The following SLC38A9 variants were observed in gnomAD, a reference collection of about 807,000 sequenced individuals.
SLC38A9 encodes solute carrier family 38 member 9, also known as neutral amino acid transporter 9.
In SLC38A9, 48 loss-of-function variants were observed where a neutral mutation model predicts 62.3. The ratio of observed to expected loss-of-function variants is 0.77; its 90% confidence interval spans 0.61 to 0.98. The LOEUF (loss-of-function observed/expected upper bound fraction) is 0.98. SLC38A9 is among the 50% of genes least tolerant of loss of function. The probability of loss-of-function intolerance (pLI) is 0.00; values close to 1 mark genes in which losing one functional copy is unlikely to be tolerated. For synonymous variants in SLC38A9, 204 were observed against 227.7 expected (o/e 0.90, Z 0.94); for missense variants, 541 against 679.8 (o/e 0.80, Z 2.27).
In SLC38A9 at chr5:55,660,171, G is replaced by A. The variant is rs182957921; in HGVS notation, c.698-3397C>T. Among the ~76,000 whole-genome samples the A allele has an allele frequency of 5.6e-3, 856 of 151,884 alleles. 10 individuals carry two copies. Among genetic ancestry groups the A allele is most frequent in the African/African-American group, 0.02 (831 of 41,486 alleles). ...CACGCCTGTAATCCCAGCACTTTGGGAGGCCAAGGCGGGCAGACTGCTTGA... is the reference window on the plus strand; with the variant it reads ...CACGCCTGTAATCCCAGCACTTTGGAAGGCCAAGGCGGGCAGACTGCTTGA... On this transcript the variant is annotated intron_variant, in intron 8 of 15. Coordinates refer to ENST00000396865, the MANE Select transcript of SLC38A9 (RefSeq NM_173514.4).
At position 55,712,235 on chromosome 5, in the gene SLC38A9, C is replaced by T. The variant is rs1161627079; in HGVS notation, c.-101G>A. On this transcript the variant is annotated 5_prime_UTR_variant, in exon 1 of 16. Coordinates refer to ENST00000396865, the MANE Select transcript of SLC38A9 (RefSeq NM_173514.4). ...GATCTACCTGAGCAGGCCGAGCCTT[C>T]AACCTCGGAGAACTAGACGAGAAGA... is the stretch of plus-strand genomic sequence containing the variant. 6.6e-6 allele frequency: 1 copy of T among 152,506 alleles called. No homozygotes were observed. The highest frequency in any genetic ancestry group is 1.5e-5 in the Non-Finnish European group (1 of 68,064). The allele number at this position is 152,506 out of a possible 1,614,324, so 9.4% of individuals were successfully genotyped here.
chr5:55,699,090 C>T lies in SLC38A9; in HGVS notation c.-34-1098G>A, dbSNP rs187806715. On this transcript the variant is annotated intron_variant, in intron 2 of 15. Coordinates refer to ENST00000396865, the MANE Select transcript of SLC38A9 (RefSeq NM_173514.4). ...CCAACATGGTGAAACCCTGTCTCTACTAAAAATATAGAAAAATAGCCAGGC... is the reference window on the plus strand; with the variant it reads ...CCAACATGGTGAAACCCTGTCTCTATTAAAAATATAGAAAAATAGCCAGGC... Among the ~76,000 whole-genome samples the T allele has an allele frequency of 6.1e-3, 932 of 152,030 alleles. 10 individuals are homozygous for T. Among genetic ancestry groups the T allele is most frequent in the African/African-American group, 0.022 (904 of 41,448 alleles).
intron 4 of SLC38A9, among the ~76,000 whole-genome samples, chr5:55,670,390 T>A (rs1751112476): frequency 6.6e-6 from 1 of 152,230 alleles, no homozygotes; most frequent in African/African-American, 2.4e-5. Flanking sequence ...CCAAAATAAT[T>A]TTGGAATTTT....
chr5:55,629,866 T>C (rs1336674008), intron 14 of SLC38A9, among the ~76,000 whole-genome samples: 3 of 152,200 alleles, frequency 2.0e-5, no homozygotes, highest in Non-Finnish European at 2.9e-5. Flanking sequence ...GTGATGAAAT[T>C]AGTGATAGTA....
intron 3 of SLC38A9, among the ~76,000 whole-genome samples, chr5:55,689,457 G>T (rs1162186153): frequency 6.6e-6 from 1 of 152,128 alleles, no homozygotes; most frequent in Non-Finnish European, 1.5e-5. Context: ...ATAATATTTG[G>T]TTTTAAGTCT....
At chr5:55,644,449 G>A (rs1167319553) in intron 12 of SLC38A9, among the ~76,000 whole-genome samples, 1 of 151,954 alleles carries the variant, frequency 6.6e-6, no homozygotes, top group African/African-American at 2.4e-5. Context: ...TTTGTGAGAT[G>A]GAGTCTGGAT....
chr5:55,640,848 A>T (rs1290139884), intron 12 of SLC38A9, among the ~76,000 whole-genome samples: 6 of 152,298 alleles, frequency 3.9e-5, no homozygotes, highest in Middle Eastern at 3.4e-3. Flanking sequence ...ATGTATATAT[A>T]TTTTTGAGAC....
Position 55,627,866 on chromosome 5 carries a change from G to A in SLC38A9, c.1520+25C>T, listed in dbSNP as rs762996190. The A allele has an allele frequency of 6.3e-6, 9 of 1,420,192 alleles. No homozygotes were observed. In the African/African-American group the frequency reaches 1.1e-4, roughly 18 times the overall value. 88.0% of individuals were successfully genotyped at this position (1,420,192 alleles called of 1,614,324 possible). On this transcript the variant is annotated intron_variant, in intron 15 of 15. Coordinates refer to ENST00000396865, the MANE Select transcript of SLC38A9 (RefSeq NM_173514.4). ...AAAATAAAGACCAATATATGTAAGG[G>A]CACCATTCCCTTACAAGGCAGTACC...
chr5:55,627,702 C>A (rs1214267917), intron 15 of SLC38A9, among the ~76,000 whole-genome samples, 189 bp downstream of exon 15: 1 of 151,984 alleles, frequency 6.6e-6, no homozygotes, highest in Non-Finnish European at 1.5e-5. Flanking sequence ...GTGAGTTCTC[C>A]ACCAGAACAA....
chr5:55,676,075 G>A (rs889079542), intron 3 of SLC38A9, among the ~76,000 whole-genome samples: 1 of 152,206 alleles, frequency 6.6e-6, no homozygotes, highest in Non-Finnish European at 1.5e-5. Flanking sequence ...GGAGGATGGA[G>A]GATGTGTTTG....
intron 3 of SLC38A9, chr5:55,696,335 C>A (rs1580404040): frequency 2.2e-5 from 1 of 46,402 alleles, no homozygotes; most frequent in Non-Finnish European, 5.5e-5. Flanking sequence ...GGCGGCTGGC[C>A]GGGCGGGGGG....
chr5:55,655,585 A>G (rs1748258489), intron 9 of SLC38A9, among the ~76,000 whole-genome samples: 1 of 152,236 alleles, frequency 6.6e-6, no homozygotes, highest in African/African-American at 2.4e-5. Context: ...TTAACAAAAG[A>G]CAGGTTTAAT....
chr5:55,658,735 C>G (rs1306244062), intron 8 of SLC38A9, among the ~76,000 whole-genome samples: 1 of 152,094 alleles, frequency 6.6e-6, no homozygotes, highest in Admixed American at 6.6e-5. Flanking sequence ...TGTTACTGCA[C>G]CCTTGGGAAA....
rs72758226 is a variant in SLC38A9 at position 55,630,026 on chromosome 5, T to C, written c.1431-2046A>G. Reference sequence around the variant, plus strand: ...AGATCCAAAGTGCACGATAGACCAATTGGTTTTAATGTAAACAAGTTTCAG... The same window carrying C: ...AGATCCAAAGTGCACGATAGACCAACTGGTTTTAATGTAAACAAGTTTCAG... On this transcript the variant is annotated intron_variant, in intron 14 of 15. Transcript: ENST00000396865. Among the ~76,000 whole-genome samples, 1,201 of 152,312 alleles carry C rather than the reference T, an allele frequency of 7.9e-3. 10 individuals carry two copies. Among genetic ancestry groups the C allele is most frequent in the Non-Finnish European group, 0.014 (985 of 68,016 alleles).
intron 4 of SLC38A9, among the ~76,000 whole-genome samples, chr5:55,671,961 T>C (rs1358144225): frequency 1.3e-5 from 2 of 152,048 alleles, no homozygotes; most frequent in African/African-American, 4.8e-5. Context: ...GATCCTCCTG[T>C]CTCAGCCTCT....
At chr5:55,710,475 T>C (rs1157034011) in intron 2 of SLC38A9, among the ~76,000 whole-genome samples, 2 of 152,158 alleles carry the variant, frequency 1.3e-5, no homozygotes, top group East Asian at 1.9e-4. Flanking sequence ...CCCAAAAGTG[T>C]TGGGATTACA....
chr5:55,691,214 T>C (rs1754692103), intron 3 of SLC38A9: 1 of 967,580 alleles, frequency 1.0e-6, no homozygotes, highest in Non-Finnish European at 1.6e-6. Flanking sequence ...AAAATGCAAA[T>C]AGCCATGGAA....
Position 55,664,803 on chromosome 5 carries a change from A to G in SLC38A9, c.587T>C (p.Phe196Ser), listed in dbSNP as rs1750191205. Reference protein sequence around the residue: ...PDVCRHYFGSFGQWSSLLFSL... With the variant: ...PDVCRHYFGSSGQWSSLLFSL... ...GAAAAGGAGACTCGACCACTGCCCAAAGGAGCCGAAATAATGTCTGCAGAC... is the reference window on the plus strand; with the variant it reads ...GAAAAGGAGACTCGACCACTGCCCAGAGGAGCCGAAATAATGTCTGCAGAC... The change falls in exon 8 of 16, where the codon TTT becomes TCT. Residue 196 changes from phenylalanine to serine, a missense_variant. By Grantham distance (155) the Phe-to-Ser change is radical. Coordinates refer to ENST00000396865, the MANE Select transcript of SLC38A9 (RefSeq NM_173514.4). The G allele has an allele frequency of 6.3e-7, 1 of 1,592,340 alleles. No individual in the cohort carries two copies. Among genetic ancestry groups the G allele is most frequent in the Non-Finnish European group, 8.5e-7 (1 of 1,170,542 alleles).
intron 10 of SLC38A9, 104 bp downstream of exon 10, chr5:55,652,425 G>C (rs570426490): frequency 2.5e-6 from 1 of 397,588 alleles, no homozygotes; most frequent in Non-Finnish European, 4.3e-6. Flanking sequence ...ATTAAACACA[G>C]ATGAACAGGC....
Sources: gnomAD v4.1 joint callset for allele counts (sites outside exome capture counted in the v4.1 genomes callset) on GRCh38, gnomAD v4.1.1 for gene constraint, MANE v1.5 for transcripts, NCBI Gene and HGNC (gene_info 2026-07-23, HGNC 2026-07-21) for gene names.